Variants in TMEM165 observed in about 807,000 individuals in gnomAD.
The protein encoded by TMEM165 is putative divalent cation/proton antiporter TMEM165.
In TMEM165, 19 loss-of-function variants were observed where a neutral mutation model predicts 30.0. The ratio of observed to expected loss-of-function variants is 0.63; its 90% CI spans 0.44 to 0.93. The LOEUF (loss-of-function observed/expected upper bound fraction) is 0.93, where lower values mean the gene tolerates loss of function less well. Among genes scored for constraint, TMEM165 ranks in the 40% least tolerant of loss-of-function variants. The pLI, the probability that TMEM165 is intolerant of heterozygous loss-of-function variation, is 0.00. For synonymous variants in TMEM165, 168 were observed against 162.9 expected (o/e 1.03, Z -0.24); for missense variants, 340 against 417.0 (o/e 0.82, Z 1.61).
At chr4:55,430,851 T>C (rs1192978148), downstream of TMEM165, 1 of 152,202 alleles carries the variant, frequency 6.6e-6, no homozygotes, top group Non-Finnish European at 1.5e-5. Flanking sequence ...ATAGGCAAGA[T>C]AGGTTTACAA....
At chr4:55,404,013 TTTCCTTCC>T (rs753945175) in intron 1 of TMEM165, among the ~76,000 whole-genome samples, 6 of 151,234 alleles carry the variant, frequency 4.0e-5, no homozygotes, top group East Asian at 2.0e-4. Context: ...TTTCGTTTTC[TTTCCTTCC>T]TTCCTTCCTT....
chr4:55,397,517 T>C (rs1720773844), intron 1 of TMEM165: 1 of 150,868 alleles, frequency 6.6e-6, no homozygotes, highest in African/African-American at 2.4e-5. Context: ...AGACCTGGAG[T>C]TTGAAGCCAC....
rs1283049253 is a variant in TMEM165 at position 55,417,067 on chromosome 4, TCCAG to T, written c.434-4_434-1del. The T allele has an allele frequency of 6.3e-7, 1 of 1,589,630 alleles. No individual in the cohort carries two copies. The highest frequency in any genetic ancestry group is 1.8e-5 in the Admixed American group (1 of 54,358). On this transcript the variant is annotated splice_acceptor_variant and splice_polypyrimidine_tract_variant and intron_variant, in intron 2 of 5. Transcript: ENST00000381334. LOFTEE classifies it high-confidence loss of function. ...TTAACAAACATACTGTTGTATTTTT[TCCAG>T]TTTTGTTTGGCTATGCCACCACAGT...
Position 55,444,524 on chromosome 4 carries a change from T to A in TMEM165, c.409-7715T>A, listed in dbSNP as rs1442081766. 3 of 1,300,084 alleles carry A rather than the reference T, an allele frequency of 2.3e-6. No homozygotes were observed. The African/African-American group carries it at 4.4e-5, about 19-fold the overall frequency. 80.5% of individuals were successfully genotyped at this position (1,300,084 alleles called of 1,614,324 possible). ...ACCAGTGAATATTTATTGAACTGAA[T>A]TGATAAAACGTATCTCTTGCATCTC... On this transcript the variant is annotated intron_variant, in intron 3 of 3. Transcript: ENST00000608091.
chr4:55,438,114 G>GA (rs377257788), intron 3 of TMEM165, among the ~76,000 whole-genome samples: 4 of 151,952 alleles, frequency 2.6e-5, no homozygotes, highest in Admixed American at 1.3e-4. Flanking sequence ...AGCAAGGGAA[G>GA]AAAAAAAATC....
At chr4:55,444,619 A>T (rs753821021) in intron 3 of TMEM165, 1 of 1,613,970 alleles carries the variant, frequency 6.2e-7, no homozygotes, top group Middle Eastern at 1.7e-4. Flanking sequence ...TTTGTATTCA[A>T]ATATAACAAT....
chr4:55,439,087 G>A (rs1723137567), intron 3 of TMEM165, among the ~76,000 whole-genome samples: 1 of 152,180 alleles, frequency 6.6e-6, no homozygotes, highest in African/African-American at 2.4e-5. Context: ...CCATCCCACA[G>A]ATGGGAGAAA....
chr4:55,407,696 G>T (rs1721326400), intron 1 of TMEM165, among the ~76,000 whole-genome samples: 1 of 152,130 alleles, frequency 6.6e-6, no homozygotes, highest in African/African-American at 2.4e-5. Flanking sequence ...AGAACTGTTG[G>T]ATAGTTACCA....
At chr4:55,422,150 CACTT>C (rs1323557014) in intron 4 of TMEM165, among the ~76,000 whole-genome samples, 1 of 152,202 alleles carries the variant, frequency 6.6e-6, no homozygotes, top group Non-Finnish European at 1.5e-5. Flanking sequence ...CTGGCCACCT[CACTT>C]GCTTTCTCCT....
chr4:55,429,455 G>C (rs1373325045), downstream of TMEM165: 1 of 152,102 alleles, frequency 6.6e-6, no homozygotes, highest in Admixed American at 6.5e-5. Context: ...TGCTTTACTG[G>C]GCAGTGCTGT....
chr4:55,438,042 C>G (rs992051128), intron 3 of TMEM165, among the ~76,000 whole-genome samples: 4 of 152,208 alleles, frequency 2.6e-5, no homozygotes, highest in Non-Finnish European at 5.9e-5. Context: ...GCCACTCACT[C>G]TGTCCAGCAG....
chr4:55,444,849 C>A, intron 3 of TMEM165: 1 of 1,517,786 alleles, frequency 6.6e-7, no homozygotes, highest in Non-Finnish European at 9.0e-7. Context: ...TATAATTGCA[C>A]AACATGAAAA....
rs762748207 is a variant in TMEM165 at position 55,417,853 on chromosome 4, A to C, written c.660A>C (p.Thr220=). The C allele has an allele frequency of 1.5e-5, 25 of 1,613,786 alleles. No individual in the cohort carries two copies. Among genetic ancestry groups the C allele is most frequent in the Middle Eastern group, 3.3e-4 (2 of 6,082 alleles). Residue 220 remains threonine (T), a synonymous_variant, in exon 4 of 6, where the codon ACA becomes ACC. Coordinates refer to ENST00000381334, the MANE Select transcript of TMEM165 (RefSeq NM_018475.5). Reference sequence around the variant, plus strand: ...GACCGGGAGATGTTGAAACGGGTACAAGCATAACAGTACCTCAGAAAAAGT... The same window carrying C: ...GACCGGGAGATGTTGAAACGGGTACCAGCATAACAGTACCTCAGAAAAAGT... ...LNGPGDVETG[T]SITVPQKKWL... is the part of the protein sequence containing the mutation.
intron 3 of TMEM165, among the ~76,000 whole-genome samples, chr4:55,438,996 TAAAC>T (rs957975421): frequency 6.6e-6 from 1 of 152,142 alleles, no homozygotes; most frequent in African/African-American, 2.4e-5. Context: ...AAAGAACAGA[TAAAC>T]AGATAAACTG....
At chr4:55,438,443 C>T (rs1723070642) in intron 3 of TMEM165, 6 of 1,613,908 alleles carry the variant, frequency 3.7e-6, no homozygotes, top group Non-Finnish European at 5.1e-6. Flanking sequence ...GCAGTCACCA[C>T]CTGGCCCATA....
At chr4:55,438,986 AAAG>A (rs1234804382) in intron 3 of TMEM165, among the ~76,000 whole-genome samples, 1 of 152,262 alleles carries the variant, frequency 6.6e-6, no homozygotes, top group Non-Finnish European at 1.5e-5. Context: ...ACAGGCAACA[AAAG>A]AACAGATAAA....
At chr4:55,433,034 T>A (rs1302035999) in intron 3 of TMEM165, 1 of 152,594 alleles carries the variant, frequency 6.6e-6, no homozygotes, top group African/African-American at 2.4e-5. Flanking sequence ...GTTCTTCATA[T>A]CTTTTGTTAG....
intron 2 of TMEM165, 25 bp downstream of exon 2, chr4:55,411,864 A>T (rs1721514803): frequency 6.2e-7 from 1 of 1,605,742 alleles, no homozygotes; most frequent in Non-Finnish European, 8.5e-7. Context: ...CCCTCTCATG[A>T]GTTCGCTGAA....
chr4:55,398,448 A>G (rs1339212667), intron 1 of TMEM165, among the ~76,000 whole-genome samples: 1 of 152,224 alleles, frequency 6.6e-6, no homozygotes, highest in Non-Finnish European at 1.5e-5. Flanking sequence ...TAGAATCTGG[A>G]CTTCTGTGCC....
Sources: allele counts gnomAD v4.1 joint callset (sites outside exome capture counted in the v4.1 genomes callset), GRCh38; gene constraint gnomAD v4.1.1; transcripts MANE v1.5; gene names NCBI Gene and HGNC (gene_info 2026-07-23, HGNC 2026-07-21).